SEL1L2: variants seen among roughly 807,000 people sequenced by gnomAD.
SEL1L2 encodes protein sel-1 homolog 2.
SEL1L2 carries 89 observed loss-of-function variants against 98.8 expected under a neutral mutation model. The observed-to-expected ratio is 0.90, with a 90% CI of 0.76 to 1.07. The LOEUF (loss-of-function observed/expected upper bound fraction) is 1.07. Among genes scored for constraint, SEL1L2 ranks in the 50% least tolerant of loss-of-function variants. The pLI is 0.00. For synonymous variants in SEL1L2, 262 were observed against 278.5 expected (o/e 0.94, Z 0.59); for missense variants, 788 against 812.0 (o/e 0.97, Z 0.36).
chr20:13,977,029 G>A (rs1046730547), intron 1 of SEL1L2, among the ~76,000 whole-genome samples: 8 of 152,162 alleles, frequency 5.3e-5, no homozygotes, highest in African/African-American at 1.9e-4. Context: ...GAGTACTTGA[G>A]AACAAGGTGA....
Position 13,947,373 on chromosome 20 carries a change from A to G in SEL1L2, c.114+8703T>C, listed in dbSNP as rs534623681. On this transcript the variant is annotated intron_variant, in intron 2 of 19. Coordinates refer to ENST00000284951, the MANE Select transcript of SEL1L2 (RefSeq NM_025229.2). ...ATGGGATGACCTGCCTGCAGATGGG[A>G]GCTACCCACTCTGAATCTCATCTCC... Among the ~76,000 whole-genome samples, 35 of 152,122 alleles carry G rather than the reference A, an allele frequency of 2.3e-4. No individual in the cohort carries two copies. In the South Asian group the frequency reaches 4.6e-3, roughly 20 times the overall value.
At chr20:13,908,100 GTTCTTTTTTTT>G (rs2048049149) in intron 5 of SEL1L2, among the ~76,000 whole-genome samples, 1 of 64,136 alleles carries the variant, frequency 1.6e-5, no homozygotes, top group Admixed American at 2.1e-4. Flanking sequence ...CAATTTCTTG[GTTCTTTTTTTT>G]TTTTTTTTTT....
chr20:13,929,527 G>C (rs1435638127), intron 3 of SEL1L2, among the ~76,000 whole-genome samples: 1 of 106,912 alleles, frequency 9.4e-6, no homozygotes, highest in African/African-American at 3.7e-5. Flanking sequence ...ACGGAGTCTC[G>C]CTCTGTCGCC....
At chr20:13,916,384 ATGTAACT>A (rs1240730815) in intron 4 of SEL1L2, among the ~76,000 whole-genome samples, 1 of 152,150 alleles carries the variant, frequency 6.6e-6, no homozygotes, top group Non-Finnish European at 1.5e-5. Flanking sequence ...GGCTGCACAG[ATGTAACT>A]TGTTTAAGGA....
chr20:13,951,235 C>T (rs1485659684), intron 2 of SEL1L2, among the ~76,000 whole-genome samples: 1 of 137,328 alleles, frequency 7.3e-6, no homozygotes, highest in Admixed American at 7.7e-5. Flanking sequence ...CGAGATAGCG[C>T]CACTGCACTC....
chr20:13,860,594 C>T (rs933927225), intron 17 of SEL1L2, among the ~76,000 whole-genome samples: 9 of 152,120 alleles, frequency 5.9e-5, no homozygotes, highest in African/African-American at 2.2e-4. Context: ...CTCCTCTGCC[C>T]ACTTCCTAAA....
chr20:13,887,824 A>G lies in SEL1L2; in HGVS notation c.690T>C (p.Asn230=), dbSNP rs751948419. 1.2e-6 allele frequency: 2 copies of G among 1,613,480 alleles called. No individual in the cohort carries two copies. Among genetic ancestry groups the G allele is most frequent in the Non-Finnish European group, 1.7e-6 (2 of 1,179,572 alleles). The change falls in exon 8 of 20, where the codon AAT becomes AAC. Residue 230 remains asparagine, a synonymous_variant. Coordinates refer to ENST00000284951, the MANE Select transcript of SEL1L2 (RefSeq NM_025229.2). ...ILGYRYLSGI[N]VLQNCEVALS... The stretch of plus-strand genomic sequence containing the variant: ...GGGCAACTTCACAATTCTGTAGAAC[A>G]TTGATTCCCGACAAATATCTGTACC...
chr20:13,913,954 G>C lies in SEL1L2; in HGVS notation c.387-10C>G. The C allele has an allele frequency of 6.5e-7, 1 of 1,550,380 alleles. No homozygotes were observed. Among genetic ancestry groups the C allele is most frequent in the Non-Finnish European group, 8.6e-7 (1 of 1,159,002 alleles). On this transcript the variant is annotated splice_polypyrimidine_tract_variant and intron_variant, in intron 4 of 19. Coordinates refer to ENST00000284951, the MANE Select transcript of SEL1L2 (RefSeq NM_025229.2). ...AAAAAGTAGGTAGGCTCTGTTTCAA[G>C]AATATAAAGTCAAGTTTGATTTTCA...
At chr20:13,989,260 A>T (rs2052415226) in intron 1 of SEL1L2, among the ~76,000 whole-genome samples, 3 of 152,030 alleles carry the variant, frequency 2.0e-5, no homozygotes, top group African/African-American at 7.2e-5. Context: ...TTCTTTCATA[A>T]TTTCATTTTT....
chr20:13,849,563 A>G lies in SEL1L2; in HGVS notation c.1989T>C (p.Ile663=). The G allele has an allele frequency of 2.5e-6, 4 of 1,614,110 alleles. No homozygotes were observed. Among genetic ancestry groups the G allele is most frequent in the Non-Finnish European group, 3.4e-6 (4 of 1,179,970 alleles). The change falls in exon 20 of 20, where the codon ATT becomes ATC. Residue 663 remains isoleucine, a synonymous_variant. Coordinates refer to ENST00000284951, the MANE Select transcript of SEL1L2 (RefSeq NM_025229.2). ...RWNWLKLDNT[I]GPHWDLFVIG... Reference sequence around the variant, plus strand: ...TCACAAATAAGTCCCAGTGTGGTCCAATGGTGTTGTCCAGTTTCAGCCAGT... The same window carrying G: ...TCACAAATAAGTCCCAGTGTGGTCCGATGGTGTTGTCCAGTTTCAGCCAGT...
intron 10 of SEL1L2, among the ~76,000 whole-genome samples, chr20:13,884,999 G>T (rs1448132258): frequency 3.9e-5 from 6 of 152,162 alleles, no homozygotes; most frequent in African/African-American, 1.4e-4. Context: ...GGACTCTGCA[G>T]CTGGCCTTGT....
At chr20:13,852,866 T>A (rs1419731313) in intron 18 of SEL1L2, among the ~76,000 whole-genome samples, 1 of 152,156 alleles carries the variant, frequency 6.6e-6, no homozygotes, top group African/African-American at 2.4e-5. Context: ...ATAAAAAAAA[T>A]TTCTTATACT....
chr20:13,970,146 T>G (rs2051217790), intron 1 of SEL1L2, among the ~76,000 whole-genome samples: 1 of 152,180 alleles, frequency 6.6e-6, no homozygotes, highest in Non-Finnish European at 1.5e-5. Context: ...GATCTAAAAT[T>G]TAACCAAACT....
intron 1 of SEL1L2, among the ~76,000 whole-genome samples, chr20:13,966,368 G>C (rs1460027277): frequency 6.6e-6 from 1 of 151,906 alleles, no homozygotes; most frequent in Non-Finnish European, 1.5e-5. Flanking sequence ...GCCCAGGCTG[G>C]AGTGCAACGG....
chr20:13,935,232 C>G (rs2049395349), intron 2 of SEL1L2, among the ~76,000 whole-genome samples: 1 of 152,136 alleles, frequency 6.6e-6, no homozygotes, highest in Admixed American at 6.6e-5. Context: ...CCAAGGCATC[C>G]AGAGATTAAA....
intron 2 of SEL1L2, among the ~76,000 whole-genome samples, chr20:13,939,450 C>G (rs181682377): frequency 6.6e-6 from 1 of 152,258 alleles, no homozygotes; most frequent in Non-Finnish European, 1.5e-5. Flanking sequence ...TTCAAAGACA[C>G]TGAACAGCAA....
chr20:13,958,919 T>A (rs2050660646), intron 1 of SEL1L2, among the ~76,000 whole-genome samples: 1 of 98,248 alleles, frequency 1.0e-5, no homozygotes, highest in East Asian at 3.0e-4. Context: ...CGAGACTCTG[T>A]CTCAAAAAAA....
chr20:13,946,179 A>G (rs1462261358), intron 2 of SEL1L2, among the ~76,000 whole-genome samples: 1 of 152,162 alleles, frequency 6.6e-6, no homozygotes, highest in East Asian at 1.9e-4. Context: ...AAGTTATCCA[A>G]ATTGGAAAAG....
chr20:13,928,975 A>T (rs953683405), intron 3 of SEL1L2, among the ~76,000 whole-genome samples: 1 of 152,162 alleles, frequency 6.6e-6, no homozygotes, highest in African/African-American at 2.4e-5. Context: ...TGTTGCCGTG[A>T]TGCTGTTTTG....
Sources: gnomAD v4.1 joint callset for allele counts (sites outside exome capture counted in the v4.1 genomes callset) on GRCh38, gnomAD v4.1.1 for gene constraint, MANE v1.5 for transcripts, NCBI Gene and HGNC (gene_info 2026-07-23, HGNC 2026-07-21) for gene names.